Variants in PTPRD observed in about 807,000 individuals in gnomAD.
The protein encoded by PTPRD is receptor-type tyrosine-protein phosphatase delta.
In PTPRD, 34 loss-of-function variants were observed where a neutral mutation model predicts 214.5. The observed-to-expected ratio is 0.16, with a 90% CI of 0.12 to 0.21. The LOEUF is 0.21. Ranked by LOEUF, PTPRD falls within the 10% of genes least tolerant of loss-of-function variation. The pLI is 1.00. For synonymous variants in PTPRD, 1,128 were observed against 845.7 expected, an observed-to-expected ratio of 1.33 and a Z score of -5.79; for missense variants, 2,545 against 2,398.7, an observed-to-expected ratio of 1.06 and a Z score of -1.27.
At chr9:10,023,763 A>T (rs2096869119) in intron 4 of PTPRD, among the ~76,000 whole-genome samples, 2 of 152,078 alleles carry the variant, frequency 1.3e-5, no homozygotes, top group South Asian at 4.1e-4. Context: ...TAAGTCCAAA[A>T]AAAAAAGCTT....
At chr9:9,157,649 C>G (rs1484705084) in intron 10 of PTPRD, among the ~76,000 whole-genome samples, 1 of 152,140 alleles carries the variant, frequency 6.6e-6, no homozygotes, top group Non-Finnish European at 1.5e-5. Context: ...AAGAGAAGCC[C>G]AGGACCAGAT....
At chr9:9,865,765 C>A (rs997734389) in intron 5 of PTPRD, among the ~76,000 whole-genome samples, 3 of 152,200 alleles carry the variant, frequency 2.0e-5, no homozygotes, top group African/African-American at 2.4e-5. Context: ...TATAAGCTAT[C>A]TTGGGTATTT....
intron 8 of PTPRD, among the ~76,000 whole-genome samples, chr9:9,497,870 T>C (rs940889062): frequency 1.3e-5 from 2 of 152,162 alleles, no homozygotes; most frequent in African/African-American, 4.8e-5. Flanking sequence ...AAATATTGAC[T>C]TCGATCTTCA....
intron 5 of PTPRD, among the ~76,000 whole-genome samples, chr9:9,909,640 T>C (rs1203598267): frequency 6.6e-6 from 1 of 151,972 alleles, no homozygotes; most frequent in Non-Finnish European, 1.5e-5. Context: ...TAAAATTACT[T>C]TTTTAATTTC....
intron 2 of PTPRD, among the ~76,000 whole-genome samples, chr9:10,535,211 C>T (rs981684694): frequency 2.0e-5 from 3 of 152,066 alleles, no homozygotes; most frequent in Non-Finnish European, 2.9e-5. Flanking sequence ...TAGCAGATTG[C>T]TGCTTTAATG....
At chr9:8,855,204 C>G (rs1453413543) in intron 11 of PTPRD, among the ~76,000 whole-genome samples, 1 of 151,240 alleles carries the variant, frequency 6.6e-6, no homozygotes, top group Non-Finnish European at 1.5e-5. Context: ...GATATAAGAA[C>G]AGTTATACAG....
chr9:9,288,818 T>C (rs1950286034), intron 9 of PTPRD, among the ~76,000 whole-genome samples: 1 of 151,854 alleles, frequency 6.6e-6, no homozygotes, highest in Admixed American at 6.6e-5. Context: ...GTTACCCTCG[T>C]GATGTTCTCA....
Position 8,380,075 on chromosome 9 carries a change from T to G in PTPRD, c.4387-3349A>C, listed in dbSNP as rs150279420. Among the ~76,000 whole-genome samples the G allele has an allele frequency of 3.8e-3, 586 of 152,250 alleles. 1 individual carries two copies. Among genetic ancestry groups the G allele is most frequent in the Non-Finnish European group, 5.5e-3 (371 of 67,990 alleles). ...ATTGGTTATCAGTTTGATGACATTC[T>G]GGATTTTTGTGTGTGGGGGGTTGTT... is the stretch of plus-strand genomic sequence containing the variant. On this transcript the variant is annotated intron_variant, in intron 37 of 45. Coordinates refer to ENST00000381196, the MANE Select transcript of PTPRD (RefSeq NM_002839.4).
At chr9:9,275,058 TATATATATTATATATATATATATA>T (rs1944472537) in intron 9 of PTPRD, among the ~76,000 whole-genome samples, 1 of 65,590 alleles carries the variant, frequency 1.5e-5, no homozygotes, top group Non-Finnish European at 2.9e-5. Context: ...TATATATGTA[TATATATATTATATATATATATATA>T]ATATATATGT....
At chr9:10,102,800 C>T (rs2098569432) in intron 3 of PTPRD, among the ~76,000 whole-genome samples, 1 of 151,508 alleles carries the variant, frequency 6.6e-6, no homozygotes, top group South Asian at 2.1e-4. Context: ...TCAAAATTAC[C>T]TTTACAAAAT....
chr9:8,843,957 T>A (rs1184113559), intron 11 of PTPRD, among the ~76,000 whole-genome samples: 1 of 152,164 alleles, frequency 6.6e-6, no homozygotes, highest in Middle Eastern at 3.2e-3. Context: ...TTCCAGCACC[T>A]TTTGAAAATT....
intron 3 of PTPRD, among the ~76,000 whole-genome samples, chr9:10,244,374 G>A (rs1338428798): frequency 6.6e-6 from 1 of 152,132 alleles, no homozygotes; most frequent in Non-Finnish European, 1.5e-5. Flanking sequence ...GTACATGGTA[G>A]ATGGTTGATA....
intron 30 of PTPRD, among the ~76,000 whole-genome samples, chr9:8,481,373 C>T (rs1426061043): frequency 6.6e-6 from 1 of 151,990 alleles, no homozygotes; most frequent in African/African-American, 2.4e-5. Context: ...AAAGTGTACC[C>T]AGGAAAGGTT....
chr9:9,204,282 C>T (rs927933951), intron 9 of PTPRD, among the ~76,000 whole-genome samples: 5 of 152,258 alleles, frequency 3.3e-5, no homozygotes, highest in Admixed American at 2.6e-4. Context: ...TCTGATGCTT[C>T]CAGTGACTAC....
chr9:8,603,355 T>C (rs1564650993), intron 14 of PTPRD, among the ~76,000 whole-genome samples: 1 of 152,192 alleles, frequency 6.6e-6, no homozygotes, highest in Non-Finnish European at 1.5e-5. Flanking sequence ...ATATTGTACT[T>C]AGACAACAGT....
chr9:10,195,402 G>C (rs991955994), intron 3 of PTPRD, among the ~76,000 whole-genome samples: 2 of 152,080 alleles, frequency 1.3e-5, no homozygotes, highest in Admixed American at 6.6e-5. Context: ...TCATAATCAA[G>C]ATTGCATTTC....
At chr9:10,610,466 C>A (rs1429353106) in intron 2 of PTPRD, among the ~76,000 whole-genome samples, 1 of 151,882 alleles carries the variant, frequency 6.6e-6, no homozygotes, top group East Asian at 1.9e-4. Context: ...GTTAAATTTG[C>A]CCTACTTAGG....
intron 9 of PTPRD, among the ~76,000 whole-genome samples, chr9:9,247,850 T>C (rs564142684): frequency 2.6e-5 from 4 of 152,236 alleles, no homozygotes; most frequent in Non-Finnish European, 4.4e-5. Flanking sequence ...CTGATGCACA[T>C]TGAAGTTTGA....
intron 3 of PTPRD, among the ~76,000 whole-genome samples, chr9:10,110,450 T>C (rs1451256156): frequency 2.6e-5 from 4 of 152,218 alleles, no homozygotes; most frequent in East Asian, 1.9e-4. Context: ...CTCTCCATTA[T>C]AGCCCAGCTG....
Sources: allele counts gnomAD v4.1 joint callset (sites outside exome capture counted in the v4.1 genomes callset), GRCh38; gene constraint gnomAD v4.1.1; transcripts MANE v1.5; gene names NCBI Gene and HGNC (gene_info 2026-07-23, HGNC 2026-07-21).